BAIAP2L2: variants seen among roughly 807,000 people sequenced by gnomAD.
BAIAP2L2 encodes BAR/IMD domain-containing adapter protein 2-like 2.
A neutral mutation model predicts 60.4 loss-of-function variants in BAIAP2L2; 65 were observed. The observed-to-expected ratio is 1.08, with a 90% CI of 0.88 to 1.32. BAIAP2L2 has a LOEUF of 1.32. Ranked by LOEUF, BAIAP2L2 falls within the 40% of genes most tolerant of loss-of-function variation. The pLI is 0.00. For missense variants in BAIAP2L2, 836 were observed against 741.2 expected (o/e 1.13, Z -1.48); for synonymous variants, 344 against 301.7 (o/e 1.14, Z -1.45).
chr22:38,088,103 G>A (rs538416392), intron 10 of BAIAP2L2, among the ~76,000 whole-genome samples: 18 of 152,284 alleles, frequency 1.2e-4, no homozygotes, highest in South Asian at 4.1e-4. Flanking sequence ...AGTGGGCACC[G>A]TACACTACCC....
intron 7 of BAIAP2L2, among the ~76,000 whole-genome samples, chr22:38,096,727 G>T (rs527775369): frequency 6.6e-6 from 1 of 152,286 alleles, no homozygotes; most frequent in Admixed American, 6.5e-5. Context: ...ATGAATTTGT[G>T]AATTGTGAGA....
At chr22:38,106,673 C>T (rs1484824202) in intron 4 of BAIAP2L2, among the ~76,000 whole-genome samples, 5 of 152,210 alleles carry the variant, frequency 3.3e-5, no homozygotes, top group Non-Finnish European at 5.9e-5. Flanking sequence ...TCCGAACCTT[C>T]CCACTTGCCT....
At chr22:38,086,866 T>G (rs1268809989) in intron 11 of BAIAP2L2, among the ~76,000 whole-genome samples, 4 of 151,760 alleles carry the variant, frequency 2.6e-5, no homozygotes, top group South Asian at 4.2e-4. Context: ...TGTGGTGGTG[T>G]GTGCCTGTAA....
rs1338229175 is a variant in BAIAP2L2, at chr22:38,093,976, C to G, written c.612+3056G>C. On this transcript the variant is annotated intron_variant, in intron 7 of 13. Transcript: ENST00000381669. ...TCAGCTAACATCTGAGTAAATACAT[C>G]GAGTAAACGAGTAAATACAATGTGG... The G allele has an allele frequency of 1.8e-5, 8 of 456,318 alleles. No homozygotes were observed. The East Asian group carries it at 4.2e-4, about 24-fold the overall frequency. 28.3% of individuals were successfully genotyped at this position (456,318 alleles called of 1,614,324 possible).
chr22:38,098,251 C>T, intron 5 of BAIAP2L2, 72 bp from the exon 6 acceptor site: 2 of 1,547,838 alleles, frequency 1.3e-6, no homozygotes, highest in Non-Finnish European at 1.8e-6. Context: ...TCCCAGAGAT[C>T]AGGGCCCTGG....
In BAIAP2L2 at chr22:38,085,879, C is replaced by T. The variant is rs76152099; in HGVS notation, c.1468-147G>A. On this transcript the variant is annotated intron_variant, in intron 12 of 13. Transcript: ENST00000381669. ...AGGCTCCTGGAAAATGAGACCCTGA[C>T]GTTCTGAAGCCCAGAATTCTGTGGG... 4.2e-3 allele frequency: 3,406 copies of T among 814,346 alleles called. 86 individuals are homozygous for T. The African/African-American group carries it at 0.053, about 13-fold the overall frequency. The allele number at this position is 814,346 out of a possible 1,614,324, so 50.4% of individuals were successfully genotyped here. A position where few individuals can be genotyped will look rare whatever the true frequency, so the allele number is the denominator to read the frequency against.
At chr22:38,085,758 G>C (rs1024153669) in intron 12 of BAIAP2L2, 26 bp from the exon 13 acceptor site, 1 of 1,576,878 alleles carries the variant, frequency 6.3e-7, no homozygotes, top group Non-Finnish European at 8.6e-7. Context: ...GGAAGGGCTG[G>C]TTTGGTGGGG....
intron 4 of BAIAP2L2, among the ~76,000 whole-genome samples, chr22:38,104,741 C>T (rs1447586728): frequency 6.6e-6 from 1 of 152,152 alleles, no homozygotes; most frequent in East Asian, 1.9e-4. Flanking sequence ...CGTGATCCGC[C>T]TGCCTTGGCC....
intron 6 of BAIAP2L2, among the ~76,000 whole-genome samples, chr22:38,097,860 G>A (rs1312683616): frequency 6.6e-6 from 1 of 152,148 alleles, no homozygotes; most frequent in Non-Finnish European, 1.5e-5. Context: ...ACAGGGCAAG[G>A]GGCGGTGCTG....
intron 4 of BAIAP2L2, among the ~76,000 whole-genome samples, 189 bp downstream of exon 4, chr22:38,107,663 C>T (rs1482521807): frequency 1.3e-5 from 2 of 152,132 alleles, no homozygotes; most frequent in Non-Finnish European, 2.9e-5. Context: ...AGAAATGCCA[C>T]CAGCCTCCTA....
intron 4 of BAIAP2L2, among the ~76,000 whole-genome samples, chr22:38,104,846 G>A (rs553668786): frequency 1.2e-4 from 18 of 151,964 alleles, no homozygotes; most frequent in Non-Finnish European, 2.1e-4. Flanking sequence ...GTCTCAGGCT[G>A]TAAGGTAGAG....
intron 4 of BAIAP2L2, among the ~76,000 whole-genome samples, chr22:38,100,442 C>A (rs371362438): frequency 6.6e-6 from 1 of 152,014 alleles, no homozygotes; most frequent in Non-Finnish European, 1.5e-5. Context: ...AGGAGAATCG[C>A]TTGAACCCTA....
At position 38,108,256 on chromosome 22, in the gene BAIAP2L2, C is replaced by T. The variant is rs1319080630; in HGVS notation, c.213G>A (p.Leu71=). The T allele has an allele frequency of 6.2e-7, 1 of 1,611,864 alleles. No homozygotes were observed. The highest frequency in any genetic ancestry group is 1.3e-5 in the African/African-American group (1 of 74,916). The change falls in exon 3 of 14, where the codon CTG becomes CTA. Residue 71 remains leucine, a splice_region_variant and synonymous_variant. Transcript: ENST00000381669. ...RALQSPTSQI[L]GEILVQMSDT... is the part of the protein sequence containing the mutation. The stretch of plus-strand genomic sequence containing the variant: ...TCTGCTGTGGAGGGGGAGCCTCACC[C>T]AGAATCTGTGAGGTGGGGCTCTGCA...
intron 7 of BAIAP2L2, among the ~76,000 whole-genome samples, chr22:38,094,149 G>T (rs1569223055): frequency 6.6e-6 from 1 of 152,108 alleles, no homozygotes; most frequent in Non-Finnish European, 1.5e-5. Context: ...CCTGGGGCTG[G>T]GGGAGTGGGA....
intron 4 of BAIAP2L2, among the ~76,000 whole-genome samples, chr22:38,101,682 C>T (rs1245357609): frequency 6.6e-6 from 1 of 151,914 alleles, no homozygotes; most frequent in Non-Finnish European, 1.5e-5. Context: ...AGTGAAACCC[C>T]ATCTCTACTA....
At chr22:38,089,283 G>GGGGCC in intron 8 of BAIAP2L2, 52 bp from the exon 9 acceptor site, 1 of 145,664 alleles carries the variant, frequency 6.9e-6, no homozygotes, top group Non-Finnish European at 1.3e-5. Context: ...GGGGGGCGGG[G>GGGGCC]CCGCGCCCTA....
chr22:38,097,138 A>G lies in BAIAP2L2; in HGVS notation c.506T>C (p.Val169Ala). 1.2e-6 allele frequency: 2 copies of G among 1,613,902 alleles called. No individual in the cohort carries two copies. Reference protein sequence around the residue: ...NRLHAQMQAFVSESQRAAELE... With the variant: ...NRLHAQMQAFASESQRAAELE... ...TTCAGCCGCCCGCTGACTCTCAGAC[A>G]CGAAGGCCTGCATCTGTGCGTGCAG... The change falls in exon 7 of 14, where the codon GTG becomes GCG. Residue 169 changes from valine to alanine, a missense_variant. Physicochemically the swap from Val to Ala is moderately conservative, Grantham distance 64. Coordinates refer to ENST00000381669, the MANE Select transcript of BAIAP2L2 (RefSeq NM_025045.6).
intron 4 of BAIAP2L2, among the ~76,000 whole-genome samples, chr22:38,106,824 A>T (rs2086674725): frequency 6.6e-6 from 1 of 152,074 alleles, no homozygotes. Context: ...CCATCTAGCC[A>T]AGCTGACTCC....
At chr22:38,109,237 G>A in intron 1 of BAIAP2L2, 29 bp from the exon 2 acceptor site, 1 of 1,570,838 alleles carries the variant, frequency 6.4e-7, no homozygotes, top group Non-Finnish European at 8.8e-7. Flanking sequence ...GGAGGAAAAA[G>A]GTGTAGAGAT....
Sources: gnomAD v4.1 joint callset for allele counts (sites outside exome capture counted in the v4.1 genomes callset) on GRCh38, gnomAD v4.1.1 for gene constraint, MANE v1.5 for transcripts, NCBI Gene and HGNC (gene_info 2026-07-23, HGNC 2026-07-21) for gene names.